The following PPARGC1A variants were observed in gnomAD, a reference collection of about 807,000 sequenced individuals.
PPARGC1A encodes PPARG coactivator 1 alpha.
A neutral mutation model predicts 88.7 loss-of-function variants in PPARGC1A; 25 were observed. The ratio of observed to expected loss-of-function variants is 0.28; its 90% CI spans 0.21 to 0.39. The LOEUF (loss-of-function observed/expected upper bound fraction) is 0.39, where lower values mean the gene tolerates loss of function less well. PPARGC1A is among the 10% of genes least tolerant of loss of function. PPARGC1A has a pLI of 1.00. For synonymous variants in PPARGC1A, 363 were observed against 355.6 expected, an observed-to-expected ratio of 1.02 and a Z score of -0.24; for missense variants, 880 against 968.7, an observed-to-expected ratio of 0.91 and a Z score of 1.22.
chr4:23,887,084 T>C lies in PPARGC1A; in HGVS notation c.55-2153A>G, dbSNP rs1285358572. On this transcript the variant is annotated intron_variant, in intron 1 of 12. Transcript: ENST00000264867. ...TTGCTCATAACCCTTTAACCTTCCA[T>C]AAATATGTATTTTTAAATAACTTTT... 2.0e-5 allele frequency among the ~76,000 whole-genome samples: 3 copies of C among 152,210 alleles called. 1 individual carries two copies. Among genetic ancestry groups the C allele is most frequent in the Admixed American group, 6.5e-5 (1 of 15,278 alleles).
chr4:23,934,883 A>C, the PPARGC1A span, among the ~76,000 whole-genome samples: 1 of 152,222 alleles, frequency 6.6e-6, no homozygotes, highest in Non-Finnish European at 1.5e-5. Flanking sequence ...AACAATTGCC[A>C]CTGCCTTTCT....
chr4:23,865,770 C>T (rs1488536758), intron 2 of PPARGC1A, among the ~76,000 whole-genome samples: 1 of 152,134 alleles, frequency 6.6e-6, no homozygotes, highest in Non-Finnish European at 1.5e-5. Context: ...ATCTATTTCA[C>T]ACTAAATTGG....
the PPARGC1A span, among the ~76,000 whole-genome samples, chr4:24,424,257 A>ATTT: frequency 1.5e-5 from 1 of 67,220 alleles, no homozygotes; most frequent in Non-Finnish European, 2.9e-5. Flanking sequence ...CTATACACAC[A>ATTT]CTTTTTTTTT....
chr4:23,832,175 C>T (rs971935018), intron 2 of PPARGC1A, among the ~76,000 whole-genome samples: 2 of 152,154 alleles, frequency 1.3e-5, no homozygotes, highest in African/African-American at 4.8e-5. Context: ...AGCATACCCC[C>T]CAAACTGTCT....
the PPARGC1A span, among the ~76,000 whole-genome samples, chr4:24,437,594 TTTG>T: frequency 0.13 from 19,087 of 143,728 alleles, 1,338 homozygotes; most frequent in Admixed American, 0.17. Flanking sequence ...GCACAGGTTT[TTTG>T]TTGTTGTTGT....
chr4:24,380,485 T>G, the PPARGC1A span, among the ~76,000 whole-genome samples: 1 of 152,180 alleles, frequency 6.6e-6, no homozygotes, highest in African/African-American at 2.4e-5. Context: ...AGCCTCATCC[T>G]TTTTGGATGA....
At chr4:24,056,926 T>C in the PPARGC1A span, among the ~76,000 whole-genome samples, 1 of 152,192 alleles carries the variant, frequency 6.6e-6, no homozygotes, top group Non-Finnish European at 1.5e-5. Flanking sequence ...AATTTCCATA[T>C]GATCCAGCAA....
At chr4:23,917,730 C>G in the PPARGC1A span, among the ~76,000 whole-genome samples, 4 of 152,140 alleles carry the variant, frequency 2.6e-5, no homozygotes, top group Admixed American at 6.5e-5. Flanking sequence ...AAGCCCCGAT[C>G]TTATGTATTT....
At chr4:24,234,563 G>A in the PPARGC1A span, among the ~76,000 whole-genome samples, 1 of 152,166 alleles carries the variant, frequency 6.6e-6, no homozygotes, top group African/African-American at 2.4e-5. Context: ...TAGAATAAGT[G>A]TCTCTGGAAG....
At chr4:24,166,013 A>G in the PPARGC1A span, among the ~76,000 whole-genome samples, 1 of 152,242 alleles carries the variant, frequency 6.6e-6, no homozygotes, top group Non-Finnish European at 1.5e-5. Context: ...CCAAACAACT[A>G]GGCAAGTTGT....
chr4:24,110,320 T>C, the PPARGC1A span, among the ~76,000 whole-genome samples: 1 of 152,216 alleles, frequency 6.6e-6, no homozygotes, highest in East Asian at 1.9e-4. Flanking sequence ...CACTTATAAA[T>C]ATCTCAACCC....
the PPARGC1A span, among the ~76,000 whole-genome samples, chr4:24,207,386 T>C: frequency 2.6e-5 from 4 of 152,230 alleles, no homozygotes; most frequent in Non-Finnish European, 4.4e-5. Context: ...ATTTCACTTT[T>C]ATAAAACATA....
the PPARGC1A span, among the ~76,000 whole-genome samples, chr4:24,053,421 A>C: frequency 0.021 from 3,248 of 152,270 alleles, 120 homozygotes; most frequent in African/African-American, 0.074. Flanking sequence ...AGTTGCATGC[A>C]TAAAAGGCTA....
At chr4:23,941,518 G>T in the PPARGC1A span, among the ~76,000 whole-genome samples, 1 of 152,152 alleles carries the variant, frequency 6.6e-6, no homozygotes, top group African/African-American at 2.4e-5. Flanking sequence ...TTCTAAAATC[G>T]AAATAATGGC....
At chr4:24,174,105 C>T in the PPARGC1A span, among the ~76,000 whole-genome samples, 4 of 152,302 alleles carry the variant, frequency 2.6e-5, no homozygotes, top group East Asian at 7.7e-4. Context: ...GACACATCTG[C>T]ACCTCACACC....
the PPARGC1A span, among the ~76,000 whole-genome samples, chr4:24,007,617 C>A: frequency 5.3e-5 from 8 of 152,090 alleles, no homozygotes; most frequent in Non-Finnish European, 1.0e-4. Flanking sequence ...GGTTTTTTGG[C>A]AGATTTAAGT....
the PPARGC1A span, among the ~76,000 whole-genome samples, chr4:23,938,123 C>T: frequency 3.3e-5 from 5 of 151,572 alleles, no homozygotes; most frequent in African/African-American, 1.2e-4. Context: ...AAAAAGTGCA[C>T]CAAGGAAGTA....
At chr4:23,835,053 T>C (rs1725758835) in intron 2 of PPARGC1A, among the ~76,000 whole-genome samples, 1 of 152,200 alleles carries the variant, frequency 6.6e-6, no homozygotes, top group Non-Finnish European at 1.5e-5. Context: ...GCTTATTTCA[T>C]TGATGTTCAA....
the PPARGC1A span, among the ~76,000 whole-genome samples, chr4:23,968,599 T>A: frequency 3.5e-4 from 53 of 152,194 alleles, no homozygotes; most frequent in Non-Finnish European, 7.1e-4. Context: ...TAACTTATTC[T>A]TAATAATACA....
Sources: allele counts gnomAD v4.1 joint callset (sites outside exome capture counted in the v4.1 genomes callset), GRCh38; gene constraint gnomAD v4.1.1; transcripts MANE v1.5; gene names NCBI Gene and HGNC (gene_info 2026-07-23, HGNC 2026-07-21).